Variants in GALNT13 observed in about 807,000 individuals in gnomAD.
The protein encoded by GALNT13 is UDP-GalNAc:polypeptide N-acetylgalactosaminyltransferase 13.
GALNT13 carries 28 observed loss-of-function variants against 64.2 expected under a neutral mutation model. That is an observed-to-expected ratio of 0.44 (90% CI 0.32 to 0.60). The LOEUF (loss-of-function observed/expected upper bound fraction) is 0.60, where lower values mean the gene tolerates loss of function less well. GALNT13 is among the 20% of genes least tolerant of loss of function. The probability of loss-of-function intolerance (pLI) is 0.05; values close to 1 mark genes in which losing one functional copy is unlikely to be tolerated. For synonymous variants in GALNT13, 214 were observed against 224.6 expected, an observed-to-expected ratio of 0.95 and a Z score of 0.42; for missense variants, 577 against 669.8, an observed-to-expected ratio of 0.86 and a Z score of 1.53.
chr2:153,273,384 G>C, the GALNT13 span, among the ~76,000 whole-genome samples: 1 of 152,160 alleles, frequency 6.6e-6, no homozygotes, highest in African/African-American at 2.4e-5. Flanking sequence ...CTATGGTATT[G>C]AGTGCTGCTT....
the GALNT13 span, among the ~76,000 whole-genome samples, chr2:153,833,261 G>A: frequency 6.6e-6 from 1 of 152,056 alleles, no homozygotes; most frequent in Non-Finnish European, 1.5e-5. Flanking sequence ...GCATAGTGAT[G>A]GTGGTAATTC....
chr2:153,786,318 C>T, the GALNT13 span, among the ~76,000 whole-genome samples: 9 of 152,170 alleles, frequency 5.9e-5, no homozygotes, highest in Non-Finnish European at 1.2e-4. Context: ...TACGCTGACA[C>T]CTCCAGCACA....
At chr2:154,377,085 A>G (rs1698034900) in intron 9 of GALNT13, among the ~76,000 whole-genome samples, 1 of 152,138 alleles carries the variant, frequency 6.6e-6, no homozygotes, top group Non-Finnish European at 1.5e-5. Flanking sequence ...ATTACCTCAA[A>G]ATAGTATTTT....
At position 154,140,472 on chromosome 2, in the gene GALNT13, T is replaced by C. The variant is rs1423455759; in HGVS notation, c.278T>C (p.Leu93Pro). Residue 93 changes from leucine to proline, a missense_variant, in exon 4 of 13, where the codon CTT becomes CCT. Coordinates refer to ENST00000392825, the MANE Select transcript of GALNT13 (RefSeq NM_052917.4). ...CTTATGGCCAGTGATTTGATTGCCC[T>C]TAATAGAAGTCTGCCAGATGTAAGA... ...FNLMASDLIA[L>P]NRSLPDVRLE... The C allele has an allele frequency of 1.4e-5, 23 of 1,611,638 alleles. No homozygotes were observed. Among genetic ancestry groups the C allele is most frequent in the Non-Finnish European group, 2.0e-5 (23 of 1,178,420 alleles).
chr2:154,397,015 A>G (rs1374707920), intron 10 of GALNT13, among the ~76,000 whole-genome samples: 2 of 151,128 alleles, frequency 1.3e-5, no homozygotes, highest in Non-Finnish European at 2.9e-5. Context: ...CCTATATAGC[A>G]TATATATCTC....
chr2:153,892,012 A>T (rs1236371515), intron 1 of GALNT13, among the ~76,000 whole-genome samples: 1 of 152,056 alleles, frequency 6.6e-6, no homozygotes, highest in African/African-American at 2.4e-5. Context: ...CACACGAGCA[A>T]AACCTTGAAG....
At chr2:154,003,131 A>G (rs1391844598) in intron 3 of GALNT13, among the ~76,000 whole-genome samples, 1 of 152,212 alleles carries the variant, frequency 6.6e-6, no homozygotes, top group Non-Finnish European at 1.5e-5. Flanking sequence ...TTCCCAACTG[A>G]TAGGAAAACA....
chr2:154,447,901 C>T (rs1701675940), intron 12 of GALNT13, among the ~76,000 whole-genome samples: 1 of 152,022 alleles, frequency 6.6e-6, no homozygotes, highest in Non-Finnish European at 1.5e-5. Context: ...GAAGCTTAGG[C>T]TTAACTAAAT....
intron 7 of GALNT13, among the ~76,000 whole-genome samples, chr2:154,250,694 T>G (rs1690021561): frequency 6.6e-6 from 1 of 152,062 alleles, no homozygotes; most frequent in South Asian, 2.1e-4. Context: ...TATACAAATA[T>G]AAGACAAAGT....
At chr2:153,090,658 A>G in the GALNT13 span, among the ~76,000 whole-genome samples, 9 of 152,152 alleles carry the variant, frequency 5.9e-5, no homozygotes, top group Admixed American at 5.2e-4. Context: ...GTTGGACAGC[A>G]TATGGGAAGG....
chr2:154,387,464 G>A (rs1160152496), intron 9 of GALNT13, among the ~76,000 whole-genome samples: 2 of 152,002 alleles, frequency 1.3e-5, no homozygotes, highest in Non-Finnish European at 2.9e-5. Flanking sequence ...CTAGTTATTT[G>A]AAAATACACA....
intron 1 of GALNT13, among the ~76,000 whole-genome samples, chr2:153,895,992 C>T: frequency 6.8e-6 from 1 of 146,972 alleles, no homozygotes; most frequent in Non-Finnish European, 1.5e-5. Context: ...AGAATATAAT[C>T]ATAAAATAGT....
At chr2:153,167,849 T>G in the GALNT13 span, among the ~76,000 whole-genome samples, 20,684 of 152,196 alleles carry the variant, frequency 0.14, 1,482 homozygotes, top group Non-Finnish European at 0.15. Flanking sequence ...GTTAGGATGG[T>G]GTCCAGGAAA....
chr2:154,043,855 C>G (rs982874490), intron 3 of GALNT13, among the ~76,000 whole-genome samples: 2 of 152,018 alleles, frequency 1.3e-5, no homozygotes, highest in African/African-American at 4.8e-5. Context: ...ATAACCCCAG[C>G]ACATTAAGAG....
chr2:154,051,048 C>T (rs1315508631), intron 3 of GALNT13, among the ~76,000 whole-genome samples: 3 of 152,060 alleles, frequency 2.0e-5, no homozygotes, highest in Admixed American at 6.6e-5. Flanking sequence ...TTGTGTCAGA[C>T]GGAGAGATAG....
At chr2:153,621,670 C>A in the GALNT13 span, among the ~76,000 whole-genome samples, 39 of 152,106 alleles carry the variant, frequency 2.6e-4, no homozygotes, top group Non-Finnish European at 5.1e-4. Flanking sequence ...CCAACACAGT[C>A]CTTCCCACTC....
chr2:153,779,149 G>C, the GALNT13 span, among the ~76,000 whole-genome samples: 1 of 152,052 alleles, frequency 6.6e-6, no homozygotes, highest in Non-Finnish European at 1.5e-5. Flanking sequence ...TTCAGAGATG[G>C]GCACATATCC....
At chr2:153,744,302 G>T in the GALNT13 span, among the ~76,000 whole-genome samples, 1 of 151,940 alleles carries the variant, frequency 6.6e-6, no homozygotes, top group Non-Finnish European at 1.5e-5. Flanking sequence ...CCAACAATGT[G>T]CAAGGGTTCC....
intron 8 of GALNT13, among the ~76,000 whole-genome samples, chr2:154,298,606 T>C (rs1481151014): frequency 5.2e-4 from 1 of 1,906 alleles, no homozygotes; most frequent in Non-Finnish European, 6.0e-3. Context: ...ACAATGTATA[T>C]ATTAATTTAT....
Sources: allele counts gnomAD v4.1 joint callset (sites outside exome capture counted in the v4.1 genomes callset), GRCh38; gene constraint gnomAD v4.1.1; transcripts MANE v1.5; gene names NCBI Gene and HGNC (gene_info 2026-07-23, HGNC 2026-07-21).